NCALD: variants seen among roughly 807,000 people sequenced by gnomAD.
The protein encoded by NCALD is neurocalcin delta, also known as neurocalcin-delta.
NCALD carries 10 observed loss-of-function variants against 18.6 expected under a neutral mutation model. The observed-to-expected ratio is 0.54, with a 90% CI of 0.33 to 0.91. NCALD has a LOEUF of 0.91. Among genes scored for constraint, NCALD ranks in the 40% least tolerant of loss-of-function variants. NCALD has a pLI of 0.03. For synonymous variants in NCALD, 88 were observed against 87.4 expected (o/e 1.01, Z -0.04); for missense variants, 184 against 247.6 (o/e 0.74, Z 1.72).
At position 101,764,486 on chromosome 8, in the gene NCALD, A is replaced by G. The variant is rs1811261893; in HGVS notation, c.-20+26376T>C. Among the ~76,000 whole-genome samples the G allele has an allele frequency of 2.0e-5, 3 of 152,172 alleles. No homozygotes were observed. In the South Asian group the frequency reaches 6.2e-4, roughly 32 times the overall value. ...ACCTTGACAAGAAAAATAACACTGGAGAAGTGGCACCAAAGTCCCATTGGA... is the reference window on the plus strand; with the variant it reads ...ACCTTGACAAGAAAAATAACACTGGGGAAGTGGCACCAAAGTCCCATTGGA... On this transcript the variant is annotated intron_variant, in intron 1 of 3. Transcript: ENST00000220931.
At chr8:101,876,963 T>C (rs930747221) in intron 4 of NCALD, among the ~76,000 whole-genome samples, 8 of 152,196 alleles carry the variant, frequency 5.3e-5, no homozygotes, top group African/African-American at 1.9e-4. Context: ...AGGATATATA[T>C]GAGAACTCAG....
At chr8:101,968,889 A>C (rs754413769) in intron 2 of NCALD, among the ~76,000 whole-genome samples, 2 of 152,202 alleles carry the variant, frequency 1.3e-5, no homozygotes, top group Non-Finnish European at 2.9e-5. Flanking sequence ...GCCTGCCTGA[A>C]GCCCCATTGC....
At chr8:101,718,967 CG>C (rs1304874314) in intron 2 of NCALD, among the ~76,000 whole-genome samples, 4 of 152,176 alleles carry the variant, frequency 2.6e-5, no homozygotes, top group African/African-American at 9.7e-5. Flanking sequence ...TTTTATTGAT[CG>C]TAACTCTTAC....
At chr8:101,831,740 A>G (rs772820239) in intron 4 of NCALD, among the ~76,000 whole-genome samples, 3 of 152,034 alleles carry the variant, frequency 2.0e-5, no homozygotes, top group Non-Finnish European at 2.9e-5. Flanking sequence ...TCAGTGCAGC[A>G]GCCTAGATCA....
intron 1 of NCALD, among the ~76,000 whole-genome samples, chr8:102,043,345 G>A (rs927358391): frequency 1.3e-5 from 2 of 151,800 alleles, no homozygotes; most frequent in African/African-American, 4.9e-5. Flanking sequence ...GTTTTGTTTT[G>A]TTTTTGGTGT....
At chr8:101,808,488 C>T (rs1285113637) in intron 4 of NCALD, among the ~76,000 whole-genome samples, 2 of 152,156 alleles carry the variant, frequency 1.3e-5, no homozygotes, top group Non-Finnish European at 2.9e-5. Flanking sequence ...TTTTCTCTTT[C>T]TTCCATAGAT....
At chr8:101,827,782 G>A (rs1436495297) in intron 4 of NCALD, among the ~76,000 whole-genome samples, 1 of 152,170 alleles carries the variant, frequency 6.6e-6, no homozygotes, top group Admixed American at 6.5e-5. Flanking sequence ...CCAATCATCT[G>A]CTTTCTCTTA....
intron 2 of NCALD, among the ~76,000 whole-genome samples, chr8:102,009,720 A>G (rs537340761): frequency 1.3e-5 from 2 of 152,320 alleles, no homozygotes; most frequent in African/African-American, 4.8e-5. Flanking sequence ...AAAATGTTCT[A>G]TTGGAGCAGT....
At chr8:102,005,979 T>C (rs968534237) in intron 2 of NCALD, among the ~76,000 whole-genome samples, 1 of 151,624 alleles carries the variant, frequency 6.6e-6, no homozygotes, top group Non-Finnish European at 1.5e-5. Context: ...TGTATATATA[T>C]GTAACTAACC....
chr8:102,006,597 C>A (rs191862690), intron 2 of NCALD, among the ~76,000 whole-genome samples: 5 of 152,186 alleles, frequency 3.3e-5, no homozygotes, highest in Non-Finnish European at 7.3e-5. Flanking sequence ...AGTAGAAGAT[C>A]CGAGCTAGAG....
intron 2 of NCALD, among the ~76,000 whole-genome samples, chr8:101,705,059 T>C (rs1039370603): frequency 6.6e-6 from 1 of 151,572 alleles, no homozygotes; most frequent in African/African-American, 2.4e-5. Flanking sequence ...AAACCCCGTC[T>C]CAACTAAAAA....
chr8:101,769,610 TC>T, intron 1 of NCALD, among the ~76,000 whole-genome samples: 1 of 151,962 alleles, frequency 6.6e-6, no homozygotes, highest in South Asian at 2.1e-4. Context: ...TTTATTTTCT[TC>T]TTTCTTTCTT....
At chr8:102,123,862 C>G (rs1423146028) in intron 1 of NCALD, 3 of 152,550 alleles carry the variant, frequency 2.0e-5, no homozygotes, top group African/African-American at 7.2e-5. Context: ...CCAGAGGTCC[C>G]CGGGCCGCCA....
At chr8:101,865,038 G>A (rs1382307935) in intron 4 of NCALD, among the ~76,000 whole-genome samples, 1 of 152,154 alleles carries the variant, frequency 6.6e-6, no homozygotes, top group Non-Finnish European at 1.5e-5. Context: ...ATCAGCAGAT[G>A]GGACAGTTCA....
At chr8:101,710,540 C>T (rs1481700544) in intron 2 of NCALD, among the ~76,000 whole-genome samples, 1 of 152,218 alleles carries the variant, frequency 6.6e-6, no homozygotes, top group Non-Finnish European at 1.5e-5. Flanking sequence ...GCCAACACAG[C>T]AGTCTGATGT....
chr8:102,046,535 C>T (rs1192806317), intron 1 of NCALD, among the ~76,000 whole-genome samples: 2 of 152,096 alleles, frequency 1.3e-5, no homozygotes, highest in Non-Finnish European at 2.9e-5. Context: ...GACATGGTCT[C>T]ACTCTGTCAC....
chr8:101,943,719 T>A (rs1376517647), intron 2 of NCALD, among the ~76,000 whole-genome samples: 1 of 151,920 alleles, frequency 6.6e-6, no homozygotes. Context: ...GGCGGGCGGA[T>A]CGCAAGGTCA....
rs1336863529 is a variant in NCALD at position 102,117,443 on chromosome 8, C to T, written c.-210+6794G>A. 5.9e-5 allele frequency among the ~76,000 whole-genome samples: 9 copies of T among 152,272 alleles called. No homozygotes were observed. In the South Asian group the frequency reaches 1.2e-3, roughly 21 times the overall value. ...AGGCCAGAGAGTCCCAGCTACTGTC[C>T]TCGGCATCCGCCAGCTCATGAGAAA... On this transcript the variant is annotated intron_variant, in intron 1 of 6. Transcript: ENST00000311028.
intron 3 of NCALD, among the ~76,000 whole-genome samples, chr8:101,906,933 A>T (rs1817629745): frequency 1.3e-5 from 2 of 152,216 alleles, no homozygotes; most frequent in African/African-American, 4.8e-5. Context: ...AATCAGAATG[A>T]ATGAAGACAT....
Sources: allele counts gnomAD v4.1 joint callset (sites outside exome capture counted in the v4.1 genomes callset), GRCh38; gene constraint gnomAD v4.1.1; transcripts MANE v1.5; gene names NCBI Gene and HGNC (gene_info 2026-07-23, HGNC 2026-07-21).